UNC5C: variants seen among roughly 807,000 people sequenced by gnomAD.
UNC5C encodes netrin receptor UNC5C.
Under a neutral mutation model 99.8 loss-of-function variants are expected in UNC5C, and 47 were observed. That is an observed-to-expected ratio of 0.47 (90% CI 0.37 to 0.60). The LOEUF is 0.60. Among genes scored for constraint, UNC5C ranks in the 20% least tolerant of loss-of-function variants. The pLI is 0.00. For synonymous variants in UNC5C, 487 were observed against 452.2 expected (o/e 1.08, Z -0.98); for missense variants, 1,062 against 1,165.9 (o/e 0.91, Z 1.30).
At chr4:95,419,019 A>G (rs1237800951) in intron 1 of UNC5C, among the ~76,000 whole-genome samples, 1 of 152,214 alleles carries the variant, frequency 6.6e-6, no homozygotes, top group Non-Finnish European at 1.5e-5. Flanking sequence ...ATGATCTTCA[A>G]TATTTAAGCA....
At chr4:95,263,643 G>C (rs1365469881) in intron 4 of UNC5C, among the ~76,000 whole-genome samples, 4 of 152,204 alleles carry the variant, frequency 2.6e-5, no homozygotes, top group African/African-American at 9.7e-5. Flanking sequence ...CTAGAGATAG[G>C]ACCCAGCTGT....
At chr4:95,380,603 A>C (rs970998697) in intron 1 of UNC5C, among the ~76,000 whole-genome samples, 2 of 152,050 alleles carry the variant, frequency 1.3e-5, no homozygotes, top group African/African-American at 4.8e-5. Context: ...ATAACTTCTT[A>C]AGATCACCAT....
intron 1 of UNC5C, among the ~76,000 whole-genome samples, chr4:95,499,429 C>T (rs1297112594): frequency 6.6e-6 from 1 of 152,138 alleles, no homozygotes; most frequent in Non-Finnish European, 1.5e-5. Context: ...TCTATCCAAG[C>T]AGCCTTTGCC....
At chr4:95,516,960 G>A (rs1042800470) in intron 1 of UNC5C, among the ~76,000 whole-genome samples, 1 of 152,056 alleles carries the variant, frequency 6.6e-6, no homozygotes, top group African/African-American at 2.4e-5. Flanking sequence ...AGGCTTCCGG[G>A]GAGCATGATG....
chr4:95,536,082 A>ATATATATATATATATATATTTTT (rs1180330785), intron 1 of UNC5C, among the ~76,000 whole-genome samples: 2 of 78,450 alleles, frequency 2.5e-5, no homozygotes, highest in East Asian at 5.7e-4. Flanking sequence ...ATATATATAT[A>ATATATATATATATATATATTTTT]TTTTTTTTTT....
intron 7 of UNC5C, among the ~76,000 whole-genome samples, chr4:95,223,380 C>G (rs1738549303): frequency 1.3e-5 from 2 of 152,116 alleles, no homozygotes; most frequent in African/African-American, 4.8e-5. Flanking sequence ...AAACAAGTTT[C>G]ACAATTAACT....
At chr4:95,247,813 A>G (rs1309978062) in intron 5 of UNC5C, 1 of 152,246 alleles carries the variant, frequency 6.6e-6, no homozygotes, top group Non-Finnish European at 1.5e-5. Flanking sequence ...TGCATTAAAC[A>G]TCTATATAAT....
rs568106906 is a variant in UNC5C, at chr4:95,384,589, G to A, written c.125-48958C>T. Among the ~76,000 whole-genome samples, 43 of 151,834 alleles carry A rather than the reference G, an allele frequency of 2.8e-4. No homozygotes were observed. The South Asian group carries it at 8.3e-3, about 29-fold the overall frequency. ...TAGATAAAGGCTGGAGAGTGGGTAAGAACCTAATGGGTCAAATCAAGAAGC... is the reference window on the plus strand; with the variant it reads ...TAGATAAAGGCTGGAGAGTGGGTAAAAACCTAATGGGTCAAATCAAGAAGC... On this transcript the variant is annotated intron_variant, in intron 1 of 15. Transcript: ENST00000453304.
chr4:95,321,773 A>G (rs1742701390), intron 2 of UNC5C, among the ~76,000 whole-genome samples: 1 of 152,234 alleles, frequency 6.6e-6, no homozygotes, highest in East Asian at 1.9e-4. Context: ...ACACCTTTCA[A>G]TCCGGGACAA....
intron 7 of UNC5C, among the ~76,000 whole-genome samples, chr4:95,240,116 A>G (rs1416468464): frequency 6.6e-6 from 1 of 152,210 alleles, no homozygotes; most frequent in Non-Finnish European, 1.5e-5. Flanking sequence ...TCCAGACACT[A>G]ATTCTCCCAA....
chr4:95,270,554 T>C (rs969719090), intron 4 of UNC5C, among the ~76,000 whole-genome samples: 3 of 152,212 alleles, frequency 2.0e-5, no homozygotes, highest in Non-Finnish European at 4.4e-5. Flanking sequence ...AACACTCTCT[T>C]AATTGCACAT....
intron 1 of UNC5C, among the ~76,000 whole-genome samples, chr4:95,400,384 CTTTTTTTTT>C (rs1171870515): frequency 9.1e-5 from 6 of 65,792 alleles, no homozygotes; most frequent in South Asian, 1.3e-3. Context: ...GAGATGAATT[CTTTTTTTTT>C]TTTTTTTTTT....
chr4:95,363,917 G>A (rs1475724331), intron 1 of UNC5C, among the ~76,000 whole-genome samples: 1 of 152,104 alleles, frequency 6.6e-6, no homozygotes, highest in African/African-American at 2.4e-5. Context: ...ACACTTCTGG[G>A]GGAAGCAATT....
At chr4:95,203,076 TTC>T in intron 11 of UNC5C, 112 bp from the exon 12 acceptor site, 1 of 888,192 alleles carries the variant, frequency 1.1e-6, no homozygotes, top group Non-Finnish European at 1.8e-6. Context: ...TTGGTCTTTT[TTC>T]TCTCTCAGAG....
chr4:95,488,632 C>T (rs1721393190), intron 1 of UNC5C, among the ~76,000 whole-genome samples: 1 of 151,704 alleles, frequency 6.6e-6, no homozygotes, highest in Non-Finnish European at 1.5e-5. Context: ...CTACCATTAA[C>T]AACAGGAACT....
chr4:95,290,796 G>A (rs1370461388), intron 3 of UNC5C, among the ~76,000 whole-genome samples: 3 of 152,048 alleles, frequency 2.0e-5, no homozygotes, highest in Non-Finnish European at 4.4e-5. Flanking sequence ...TTTTGTAAGG[G>A]GTAAAGTTTT....
chr4:95,484,643 T>G (rs1721273042), intron 1 of UNC5C, among the ~76,000 whole-genome samples: 1 of 151,864 alleles, frequency 6.6e-6, no homozygotes, highest in South Asian at 2.1e-4. Flanking sequence ...GCTCCTCTAG[T>G]ATCCTTACCC....
chr4:95,171,845 A>G (rs971651990), intron 14 of UNC5C, among the ~76,000 whole-genome samples: 8 of 152,026 alleles, frequency 5.3e-5, no homozygotes, highest in South Asian at 4.1e-4. Context: ...ACTAGTTTAC[A>G]GTCCCACCAA....
intron 1 of UNC5C, among the ~76,000 whole-genome samples, chr4:95,374,382 C>A (rs79037938): frequency 2.0e-5 from 3 of 152,072 alleles, no homozygotes; most frequent in Admixed American, 2.0e-4. Context: ...TTGAGTGTCA[C>A]GGGTTTTCAA....
Sources: allele counts gnomAD v4.1 joint callset (sites outside exome capture counted in the v4.1 genomes callset), GRCh38; gene constraint gnomAD v4.1.1; transcripts MANE v1.5; gene names NCBI Gene and HGNC (gene_info 2026-07-23, HGNC 2026-07-21).